Variants in PNMA1 observed in about 807,000 individuals in gnomAD.
PNMA1 encodes PNMA family member 1.
In PNMA1, 21 loss-of-function variants were observed where a neutral mutation model predicts 26.1. That is an observed-to-expected ratio of 0.80 (90% confidence interval 0.57 to 1.16). The LOEUF (loss-of-function observed/expected upper bound fraction) is 1.16. Among genes scored for constraint, PNMA1 ranks in the 50% most tolerant of loss-of-function variants. PNMA1 has a pLI of 0.00. For synonymous variants in PNMA1, 189 were observed against 177.3 expected (o/e 1.07, Z -0.52); for missense variants, 435 against 437.3 (o/e 0.99, Z 0.05).
Position 73,712,459 on chromosome 14 carries a change from AAAC to A in PNMA1, c.*116_*118del, listed in dbSNP as rs944375582. On this transcript the variant is annotated 3_prime_UTR_variant, in exon 1 of 1. Coordinates refer to ENST00000316836, the MANE Select transcript of PNMA1 (RefSeq NM_006029.5). ...GGCCTGACTAACCTTCCCCTCCAAA[AAAC>A]AACAAAACAGAACAAGGCTAAGCCT... is the stretch of plus-strand genomic sequence containing the variant. 4 of 752,446 alleles carry A rather than the reference AAAC, an allele frequency of 5.3e-6. No individual in the cohort carries two copies. The highest frequency in any genetic ancestry group is 3.2e-4 in the Middle Eastern group (1 of 3,156). The allele number at this position is 752,446 out of a possible 1,614,324, so 46.6% of individuals were successfully genotyped here.
rs1448665195 is a variant in PNMA1, at chr14:73,712,596, G to T, written c.1044C>A (p.Gly348=). The change falls in exon 1 of 1, where the codon GGC becomes GGA. Residue 348 remains glycine (G), a synonymous_variant. Coordinates refer to ENST00000316836, the MANE Select transcript of PNMA1 (RefSeq NM_006029.5). The part of the protein sequence containing the change: ...EEAEATLLQL[G]LEGHF ...CTGGCACTCAGAAGTGCCCTTCCAG[G>T]CCTAACTGCAGAAGGGTGGCCTCAG... 1.2e-6 allele frequency: 2 copies of T among 1,603,578 alleles called. No homozygotes were observed. Among genetic ancestry groups the T allele is most frequent in the Admixed American group, 3.4e-5 (2 of 58,418 alleles).
rs1026752645 is a variant in PNMA1 at position 73,714,367 on chromosome 14, C to T, written c.-728G>A. 2 of 161,496 alleles carry T rather than the reference C, an allele frequency of 1.2e-5. No individual in the cohort carries two copies. Among genetic ancestry groups the T allele is most frequent in the African/African-American group, 4.8e-5 (2 of 41,398 alleles). 10.0% of individuals were successfully genotyped at this position (161,496 alleles called of 1,614,324 possible). A position where few individuals can be genotyped will look rare whatever the true frequency, so the allele number is the denominator to read the frequency against. The stretch of plus-strand genomic sequence containing the variant: ...CTGGCGTCCAGTCCTACCCGCAACC[C>T]GCCGCGACGTTACTGCTGCAGTGGA... On this transcript the variant is annotated 5_prime_UTR_variant, in exon 1 of 1. Transcript: ENST00000316836.
chr14:73,712,898 T>A lies in PNMA1; in HGVS notation c.742A>T (p.Ile248Phe), dbSNP rs1234507200. ...TTCTGATAAGTGTTCAGAAATTTGATCTGGGCATCCCTAGAGCTCTCAACG... is the reference window on the plus strand; with the variant it reads ...TTCTGATAAGTGTTCAGAAATTTGAACTGGGCATCCCTAGAGCTCTCAACG... ...GSVESSRDAQIKFLNTYQNPG... is the reference protein window; with the variant it reads ...GSVESSRDAQFKFLNTYQNPG... The change falls in exon 1 of 1, where the codon ATC (isoleucine) becomes TTC (phenylalanine). Residue 248 changes from isoleucine (I) to phenylalanine (F), a missense_variant. Coordinates refer to ENST00000316836, the MANE Select transcript of PNMA1 (RefSeq NM_006029.5). The A allele has an allele frequency of 6.2e-7, 1 of 1,614,194 alleles. No homozygotes were observed. The highest frequency in any genetic ancestry group is 8.5e-7 in the Non-Finnish European group (1 of 1,180,036).
chr14:73,713,319 G>A lies in PNMA1; in HGVS notation c.321C>T (p.Leu107=). 6.2e-7 allele frequency: 1 copy of A among 1,614,192 alleles called. No homozygotes were observed. Among genetic ancestry groups the A allele is most frequent in the Non-Finnish European group, 8.5e-7 (1 of 1,180,038 alleles). Residue 107 remains leucine, a synonymous_variant, in exon 1 of 1, where the codon CTC becomes CTT. Transcript: ENST00000316836. ...SDAEFLERLH[L]FLAREGWTVQ... is the part of the protein sequence containing the mutation. ...CGGTCCACCCCTCTCTAGCTAGGAAGAGGTGCAATCTTTCTAAAAATTCAG... is the reference window on the plus strand; with the variant it reads ...CGGTCCACCCCTCTCTAGCTAGGAAAAGGTGCAATCTTTCTAAAAATTCAG...
chr14:73,712,910 T>G lies in PNMA1; in HGVS notation c.730A>C (p.Arg244=), dbSNP rs529830362. 57 of 1,614,226 alleles carry G rather than the reference T, an allele frequency of 3.5e-5. 1 individual carries two copies. In the South Asian group the frequency reaches 6.3e-4, roughly 18 times the overall value. Residue 244 remains arginine, a synonymous_variant, in exon 1 of 1, where the codon AGG becomes CGG. Transcript: ENST00000316836. ...TTCAGAAATTTGATCTGGGCATCCC[T>G]AGAGCTCTCAACGCTCCCAAACACC... ...EQVFGSVESS[R]DAQIKFLNTY...
Position 73,712,347 on chromosome 14 carries a change from C to A in PNMA1, c.*231G>T. ...GCGCTGTGTCCAACCAACCCTTTAC[C>A]TGGCATTTTAGCCAGCAAGACCCGC... On this transcript the variant is annotated 3_prime_UTR_variant, in exon 1 of 1. Transcript: ENST00000316836. 2.1e-6 allele frequency: 1 copy of A among 487,594 alleles called. No homozygotes were observed. The highest frequency in any genetic ancestry group is 4.4e-5 in the South Asian group (1 of 22,818). 30.2% of individuals were successfully genotyped at this position (487,594 alleles called of 1,614,324 possible).
rs943984110 is a variant in PNMA1 at position 73,713,920 on chromosome 14, G to A, written c.-281C>T. ...CGGTCGGGTCCGCCGCCTGCAGCAG[G>A]GGCGTCGCGTCGTCGTGCAGCGGGC... is the stretch of plus-strand genomic sequence containing the variant. On this transcript the variant is annotated 5_prime_UTR_variant, in exon 1 of 1. Coordinates refer to ENST00000316836, the MANE Select transcript of PNMA1 (RefSeq NM_006029.5). 7 of 304,820 alleles carry A rather than the reference G, an allele frequency of 2.3e-5. No homozygotes were observed. The highest frequency in any genetic ancestry group is 3.7e-5 in the Non-Finnish European group (6 of 163,064). The allele number at this position is 304,820 out of a possible 1,614,324, so 18.9% of individuals were successfully genotyped here.
rs1232324789 is a variant in PNMA1, at chr14:73,713,992, C to T, written c.-353G>A. On this transcript the variant is annotated 5_prime_UTR_variant, in exon 1 of 1. Transcript: ENST00000316836. ...AAGGCAGGCGCGCTGGGCCGAGAGC[C>T]GCCGGGGTGTGGTCGCGGGGCGTGG... 1 of 192,366 alleles carries T rather than the reference C, an allele frequency of 5.2e-6. No homozygotes were observed. The highest frequency in any genetic ancestry group is 1.1e-5 in the Non-Finnish European group (1 of 87,296). The allele number at this position is 192,366 out of a possible 1,614,324, so 11.9% of individuals were successfully genotyped here.
In PNMA1 at chr14:73,713,433, A is replaced by G; in HGVS notation, c.207T>C (p.Thr69=). ...GGATCGCGGCGTAATCTACAGCGCCAGTGAGCTCTAATAAGGCTGCTTTCG... is the reference window on the plus strand; with the variant it reads ...GGATCGCGGCGTAATCTACAGCGCCGGTGAGCTCTAATAAGGCTGCTTTCG... The part of the protein sequence containing the change: ...ENAKAALLEL[T]GAVDYAAIPR... The change falls in exon 1 of 1, where the codon ACT becomes ACC. Residue 69 remains threonine, a synonymous_variant. Coordinates refer to ENST00000316836, the MANE Select transcript of PNMA1 (RefSeq NM_006029.5). The G allele has an allele frequency of 6.2e-7, 1 of 1,614,172 alleles. No individual in the cohort carries two copies. The highest frequency in any genetic ancestry group is 8.5e-7 in the Non-Finnish European group (1 of 1,180,034).
rs1367915183 is a variant in PNMA1 at position 73,713,016 on chromosome 14, G to T, written c.624C>A (p.Gly208=). ...KRRRLMESLR[G]PAADVIRILK... ...GGATGCGAATAACATCAGCGGCGGG[G>T]CCTCTAAGACTCTCCATCAACCGCC... The change falls in exon 1 of 1, where the codon GGC becomes GGA. Residue 208 remains glycine, a synonymous_variant. Transcript: ENST00000316836. The T allele has an allele frequency of 6.2e-7, 1 of 1,613,890 alleles. No individual in the cohort carries two copies. Among genetic ancestry groups the T allele is most frequent in the South Asian group, 1.1e-5 (1 of 91,074 alleles).
In PNMA1 at chr14:73,712,801, G is replaced by A. The variant is rs112222661; in HGVS notation, c.839C>T (p.Ala280Val). The A allele has an allele frequency of 9.3e-6, 15 of 1,613,952 alleles. No individual in the cohort carries two copies. In the African/African-American group the frequency reaches 1.7e-4, roughly 19 times the overall value. ...PLLQKVVEKGAIDKDNVNQAR... is the reference protein window; with the variant it reads ...PLLQKVVEKGVIDKDNVNQAR... Reference sequence around the variant, plus strand: ...CTGGTTCACATTATCTTTATCAATGGCCCCCTTCTCTACCACCTTCTGTAG... The same window carrying A: ...CTGGTTCACATTATCTTTATCAATGACCCCCTTCTCTACCACCTTCTGTAG... The change falls in exon 1 of 1, where the codon GCC becomes GTC. Residue 280 changes from alanine (A) to valine (V), a missense_variant. By Grantham distance (64) the Ala-to-Val change is moderately conservative. Transcript: ENST00000316836.
At position 73,712,947 on chromosome 14, in the gene PNMA1, C is replaced by T; in HGVS notation, c.693G>A (p.Lys231=). 6.2e-7 allele frequency: 1 copy of T among 1,614,236 alleles called. No homozygotes were observed. Among genetic ancestry groups the T allele is most frequent in the South Asian group, 1.1e-5 (1 of 91,090 alleles). Residue 231 remains lysine (K), a synonymous_variant, in exon 1 of 1, where the codon AAG becomes AAA. Coordinates refer to ENST00000316836, the MANE Select transcript of PNMA1 (RefSeq NM_006029.5). ...CGCTCCCAAACACCTGCTCAAGCGC[C>T]TTCAGGCATTCGGCAGTGGTTATCG... ...NPAITTAECL[K]ALEQVFGSVE...
chr14:73,713,888 C>G lies in PNMA1; in HGVS notation c.-249G>C. 2.4e-6 allele frequency: 1 copy of G among 409,900 alleles called. No homozygotes were observed. The highest frequency in any genetic ancestry group is 4.4e-6 in the Non-Finnish European group (1 of 227,248). The allele number at this position is 409,900 out of a possible 1,614,324, so 25.4% of individuals were successfully genotyped here. A position where few individuals can be genotyped will look rare whatever the true frequency, so the allele number is the denominator to read the frequency against. On this transcript the variant is annotated 5_prime_UTR_variant, in exon 1 of 1. Coordinates refer to ENST00000316836, the MANE Select transcript of PNMA1 (RefSeq NM_006029.5). Reference sequence around the variant, plus strand: ...GGCCGTCGCCATCTTGCGTCTGGGTCTGGGTCCGGTCGGGTCCGCCGCCTG... The same window carrying G: ...GGCCGTCGCCATCTTGCGTCTGGGTGTGGGTCCGGTCGGGTCCGCCGCCTG...
rs965314432 is a variant in PNMA1, at chr14:73,712,501, A to G, written c.*77T>C. On this transcript the variant is annotated 3_prime_UTR_variant, in exon 1 of 1. Coordinates refer to ENST00000316836, the MANE Select transcript of PNMA1 (RefSeq NM_006029.5). ...AAGGCTAAGCCTTTACTACTCAGAG[A>G]CACATCTGTAAGACCCCACAGGGAC... 39 of 985,004 alleles carry G rather than the reference A, an allele frequency of 4.0e-5. No individual in the cohort carries two copies. The Admixed American group carries it at 8.7e-4, about 22-fold the overall frequency. The allele number at this position is 985,004 out of a possible 1,614,324, so 61.0% of individuals were successfully genotyped here.
rs35585529 is a variant in PNMA1 at position 73,713,289 on chromosome 14, T to C, written c.351A>G (p.Gln117=). 1.2e-6 allele frequency: 2 copies of C among 1,614,226 alleles called. No homozygotes were observed. Among genetic ancestry groups the C allele is most frequent in the African/African-American group, 1.3e-5 (1 of 75,046 alleles). The change falls in exon 1 of 1, where the codon CAA becomes CAG. Residue 117 remains glutamine, a synonymous_variant. Transcript: ENST00000316836. The stretch of plus-strand genomic sequence containing the variant: ...GAAACCCAAGGACACGGGCAACATC[T>C]TGCACGGTCCACCCCTCTCTAGCTA... ...LFLAREGWTV[Q]DVARVLGFQN... is the part of the protein sequence containing the mutation.
chr14:73,713,608 C>T lies in PNMA1; in HGVS notation c.32G>A (p.Arg11Gln). 1 of 1,609,486 alleles carries T rather than the reference C, an allele frequency of 6.2e-7. No individual in the cohort carries two copies. The highest frequency in any genetic ancestry group is 2.2e-5 in the East Asian group (1 of 44,798). The change falls in exon 1 of 1, where the codon CGG becomes CAG. Residue 11 changes from arginine to glutamine, a missense_variant. Physicochemically the swap from Arg to Gln is conservative, Grantham distance 43 (BLOSUM62 1). Coordinates refer to ENST00000316836, the MANE Select transcript of PNMA1 (RefSeq NM_006029.5). The stretch of plus-strand genomic sequence containing the variant: ...TCTCTGGGAGTTCACATCCATCCCC[C>T]GGCACCAGTCTTCCAACAGTGTCAT... MAMTLLEDWC[R>Q]GMDVNSQRAL...
chr14:73,713,178 C>T lies in PNMA1; in HGVS notation c.462G>A (p.Glu154=), dbSNP rs1566575092. ...GTGTCAGCCTCTTGTACCATATGGA[C>T]TCAACAAGAGGCTGAATAACATTAT... ...ILDNVIQPLV[E]SIWYKRLTLF... The change falls in exon 1 of 1, where the codon GAG becomes GAA. Residue 154 remains glutamate (E), a synonymous_variant. Coordinates refer to ENST00000316836, the MANE Select transcript of PNMA1 (RefSeq NM_006029.5). 1 of 1,613,994 alleles carries T rather than the reference C, an allele frequency of 6.2e-7. No homozygotes were observed. The highest frequency in any genetic ancestry group is 2.2e-5 in the East Asian group (1 of 44,882).
In PNMA1 at chr14:73,712,827, C is replaced by G; in HGVS notation, c.813G>C (p.Leu271=). 6.2e-7 allele frequency: 1 copy of G among 1,614,072 alleles called. No homozygotes were observed. The highest frequency in any genetic ancestry group is 8.5e-7 in the Non-Finnish European group (1 of 1,179,996). Residue 271 remains leucine (L), a synonymous_variant, in exon 1 of 1, where the codon CTG becomes CTC. Coordinates refer to ENST00000316836, the MANE Select transcript of PNMA1 (RefSeq NM_006029.5). ...LSAYVIRLEP[L]LQKVVEKGAI... ...CCCCCTTCTCTACCACCTTCTGTAG[C>G]AGAGGCTCCAGACGAATGACATAAG...
chr14:73,712,246 T>G lies in PNMA1; in HGVS notation c.*332A>C. ...TCTGAACATGCAATTTCACATTCAG[T>G]GTGGAATAAGAAGTGTCATAGGTTC... On this transcript the variant is annotated 3_prime_UTR_variant, in exon 1 of 1. Transcript: ENST00000316836. 2 of 259,872 alleles carry G rather than the reference T, an allele frequency of 7.7e-6. No homozygotes were observed. Among genetic ancestry groups the G allele is most frequent in the South Asian group, 1.3e-4 (1 of 7,806 alleles). 16.1% of individuals were successfully genotyped at this position (259,872 alleles called of 1,614,324 possible).
Sources: allele counts gnomAD v4.1 joint callset, GRCh38; gene constraint gnomAD v4.1.1; transcripts MANE v1.5; gene names NCBI Gene and HGNC (gene_info 2026-07-23, HGNC 2026-07-21).